Variants in MOCS1 observed in about 807,000 individuals in gnomAD.
MOCS1 encodes molybdenum cofactor synthesis 1.
In MOCS1, 39 loss-of-function variants were observed where a neutral mutation model predicts 57.6. That is an observed-to-expected ratio of 0.68 (90% CI 0.52 to 0.88). MOCS1 has a LOEUF of 0.88. MOCS1 is among the 40% of genes least tolerant of loss of function. MOCS1 has a pLI of 0.00. For missense variants in MOCS1, 795 were observed against 831.1 expected (o/e 0.96, Z 0.53); for synonymous variants, 334 against 335.7 (o/e 1.00, Z 0.05).
intron 3 of MOCS1, among the ~76,000 whole-genome samples, chr6:39,919,783 T>C (rs1473740835): frequency 6.6e-6 from 1 of 152,044 alleles, no homozygotes. Context: ...TATAAAAAAA[T>C]GGCTATCCAT....
intron 4 of MOCS1, 44 bp from the exon 5 acceptor site, chr6:39,913,879 C>G (rs767200964): frequency 2.5e-6 from 4 of 1,591,856 alleles, no homozygotes; most frequent in Non-Finnish European, 3.4e-6. Flanking sequence ...GTCCTCTCTC[C>G]TCTTCCCCCA....
rs921239725 is a variant in MOCS1 at position 39,923,955 on chromosome 6, T to C, written c.418+1723A>G. On this transcript the variant is annotated intron_variant, in intron 3 of 10. Coordinates refer to ENST00000340692, the MANE Select transcript of MOCS1 (RefSeq NM_001358530.2). ...AGAGGGCACTCCAGCGAACAATTAC[T>C]GAGCTAGAGAGCTGAGGGGCGGGGG... Among the ~76,000 whole-genome samples, 11 of 152,216 alleles carry C rather than the reference T, an allele frequency of 7.2e-5. No individual in the cohort carries two copies. In the East Asian group the frequency reaches 1.4e-3, roughly 19 times the overall value.
rs1258804249 is a variant in MOCS1, at chr6:39,905,875, C to T, written c.*482G>A. ...GCTTCACAGACTTAGGGAGGCAGAG[C>T]TGCCGGGGAGAAGTTGGGATCCATT... On this transcript the variant is annotated 3_prime_UTR_variant, in exon 11 of 11. Transcript: ENST00000340692. The T allele has an allele frequency of 2.1e-6, 1 of 470,328 alleles. No individual in the cohort carries two copies. The allele number at this position is 470,328 out of a possible 1,614,324, so 29.1% of individuals were successfully genotyped here. A position where few individuals can be genotyped will look rare whatever the true frequency, so the allele number is the denominator to read the frequency against.
chr6:39,908,690 T>A (rs1767106571), intron 10 of MOCS1, among the ~76,000 whole-genome samples: 1 of 152,150 alleles, frequency 6.6e-6, no homozygotes, highest in Non-Finnish European at 1.5e-5. Context: ...AGAGGACACC[T>A]GTCACATTAT....
chr6:39,913,256 A>G, intron 6 of MOCS1, 61 bp downstream of exon 6: 1 of 1,439,906 alleles, frequency 6.9e-7, no homozygotes, highest in African/African-American at 1.4e-5. Flanking sequence ...GGTGAGCCAC[A>G]CTATGCGACC....
Position 39,916,156 on chromosome 6 carries a change from G to T in MOCS1, c.495C>A (p.Pro165=), listed in dbSNP as rs1406865229. 1 of 1,614,032 alleles carries T rather than the reference G, an allele frequency of 6.2e-7. No homozygotes were observed. The highest frequency in any genetic ancestry group is 1.1e-5 in the South Asian group (1 of 91,078). Reference sequence around the variant, plus strand: ...CACTGAGACCAGCCTTCTGAAGCTGGGGCAGTAGCCGGGCCAGGTTGATGC... The same window carrying T: ...CACTGAGACCAGCCTTCTGAAGCTGTGGCAGTAGCCGGGCCAGGTTGATGC... ...TNGINLARLL[P]QLQKAGLSAI... is the part of the protein sequence containing the mutation. The change falls in exon 4 of 11, where the codon CCC becomes CCA. Residue 165 remains proline (P), a synonymous_variant. Transcript: ENST00000340692.
chr6:39,931,744 T>TGG (rs1442076403), intron 1 of MOCS1, among the ~76,000 whole-genome samples: 6 of 152,084 alleles, frequency 3.9e-5, no homozygotes, highest in African/African-American at 1.4e-4. Context: ...CTAGCCAGCA[T>TGG]TTGTTTTTTC....
chr6:39,918,143 C>T (rs1767766515), intron 3 of MOCS1, among the ~76,000 whole-genome samples: 1 of 152,172 alleles, frequency 6.6e-6, no homozygotes, highest in Non-Finnish European at 1.5e-5. Flanking sequence ...CACACCCCTC[C>T]CCCTGAATTT....
Position 39,905,721 on chromosome 6 carries a change from G to T in MOCS1, c.*636C>A, listed in dbSNP as rs1237051653. On this transcript the variant is annotated 3_prime_UTR_variant, in exon 11 of 11. Transcript: ENST00000340692. ...TGTGCACATCCTGTTTCAGAAGAGG[G>T]GGGCCAGAGGAAAAGGGGCCAGCAG... 6.4e-6 allele frequency: 3 copies of T among 471,156 alleles called. No individual in the cohort carries two copies. Among genetic ancestry groups the T allele is most frequent in the East Asian group, 1.4e-4 (2 of 14,396 alleles). 29.2% of individuals were successfully genotyped at this position (471,156 alleles called of 1,614,324 possible).
intron 1 of MOCS1, among the ~76,000 whole-genome samples, chr6:39,933,488 G>C (rs1166214990): frequency 3.9e-5 from 6 of 152,122 alleles, no homozygotes; most frequent in African/African-American, 1.4e-4. Context: ...CCCAGGACAG[G>C]AAGCCTAGTT....
At chr6:39,933,294 G>C (rs557953072) in intron 1 of MOCS1, among the ~76,000 whole-genome samples, 2 of 152,256 alleles carry the variant, frequency 1.3e-5, no homozygotes, top group Admixed American at 6.5e-5. Context: ...AGATCTCTCA[G>C]CCATCTTTGC....
intron 3 of MOCS1, among the ~76,000 whole-genome samples, chr6:39,919,776 A>T (rs1027660815): frequency 6.6e-6 from 1 of 152,114 alleles, no homozygotes; most frequent in Non-Finnish European, 1.5e-5. Flanking sequence ...AAAGAACTAT[A>T]AAAAAATGGC....
intron 3 of MOCS1, among the ~76,000 whole-genome samples, chr6:39,919,664 T>C (rs942285172): frequency 4.6e-5 from 7 of 152,178 alleles, no homozygotes; most frequent in South Asian, 2.1e-4. Context: ...CAGTTGATAC[T>C]GGCACAGAGA....
chr6:39,927,411 G>A lies in MOCS1; in HGVS notation c.168C>T (p.Pro56=), dbSNP rs1247682313. The part of the protein sequence containing the change: ...RRQFLREHAA[P]FSAFLTDSFG... ...AGCTGTCTGTGAGGAAGGCGGAGAA[G>A]GGGGCCGCATGCTCCCGCAGGAACT... The change falls in exon 2 of 11, where the codon CCC becomes CCT. Residue 56 remains proline, a synonymous_variant. Coordinates refer to ENST00000340692, the MANE Select transcript of MOCS1 (RefSeq NM_001358530.2). The A allele has an allele frequency of 6.2e-7, 1 of 1,612,644 alleles. No homozygotes were observed. The highest frequency in any genetic ancestry group is 8.5e-7 in the Non-Finnish European group (1 of 1,179,878).
In MOCS1 at chr6:39,925,753, C is replaced by T; in HGVS notation, c.343G>A (p.Val115Met). Residue 115 changes from valine to methionine, a missense_variant, in exon 3 of 11, where the codon GTG (valine) becomes ATG (methionine). Physicochemically the swap from Val to Met is conservative, Grantham distance 21. Transcript: ENST00000340692. ...CGGATCTTGTCGATGCCTTCCTTCA[C>T]AAAGAGCCGGGCGAGGGTCAGGATC... is the stretch of plus-strand genomic sequence containing the variant. ...EEILTLARLF[V>M]KEGIDKIRLT... The T allele has an allele frequency of 6.2e-7, 1 of 1,612,858 alleles. No homozygotes were observed. The highest frequency in any genetic ancestry group is 8.5e-7 in the Non-Finnish European group (1 of 1,179,998).
chr6:39,926,983 C>T (rs528904506), intron 2 of MOCS1, among the ~76,000 whole-genome samples: 1 of 151,656 alleles, frequency 6.6e-6, no homozygotes, highest in East Asian at 2.0e-4. Context: ...ATAATGTCCA[C>T]CACCCCACCC....
At chr6:39,907,229 G>T in intron 10 of MOCS1, 112 bp from the exon 11 acceptor site, 1 of 1,159,512 alleles carries the variant, frequency 8.6e-7, no homozygotes, top group Non-Finnish European at 1.2e-6. Context: ...TTTCATACCG[G>T]GGAAAGAGGA....
rs879540550 is a variant in MOCS1, at chr6:39,906,174, A to G, written c.*183T>C. 6 of 798,796 alleles carry G rather than the reference A, an allele frequency of 7.5e-6. No individual in the cohort carries two copies. Among genetic ancestry groups the G allele is most frequent in the African/African-American group, 6.8e-5 (4 of 59,242 alleles). The allele number at this position is 798,796 out of a possible 1,614,324, so 49.5% of individuals were successfully genotyped here. A position where few individuals can be genotyped will look rare whatever the true frequency, so the allele number is the denominator to read the frequency against. ...ATCCTCCCTATAGAAAGGAAGCCCCATTGGTCATTAGAGATCATCTAGCAG... is the reference window on the plus strand; with the variant it reads ...ATCCTCCCTATAGAAAGGAAGCCCCGTTGGTCATTAGAGATCATCTAGCAG... On this transcript the variant is annotated 3_prime_UTR_variant, in exon 11 of 11. Transcript: ENST00000340692.
Position 39,908,721 on chromosome 6 carries a change from C to T in MOCS1, c.1150+334G>A, listed in dbSNP as rs557297088. Among the ~76,000 whole-genome samples the T allele has an allele frequency of 3.9e-5, 6 of 152,206 alleles. No homozygotes were observed. In the Middle Eastern group the frequency reaches 0.01, roughly 259 times the overall value. On this transcript the variant is annotated intron_variant, in intron 10 of 10. Transcript: ENST00000340692. ...ATTATCCAAATGGGAGATTTTAGAG[C>T]CGAGGAAAAGGCCTCTGTTTTAACC...
Sources: allele counts gnomAD v4.1 joint callset (sites outside exome capture counted in the v4.1 genomes callset), GRCh38; gene constraint gnomAD v4.1.1; transcripts MANE v1.5; gene names NCBI Gene and HGNC (gene_info 2026-07-23, HGNC 2026-07-21).